Variants in PRR16 observed in about 807,000 individuals in gnomAD.
PRR16 encodes the protein protein Largen.
PRR16 carries 6 observed loss-of-function variants against 18.2 expected under a neutral mutation model. The observed-to-expected ratio is 0.33, with a 90% CI of 0.18 to 0.65. The LOEUF (loss-of-function observed/expected upper bound fraction) is 0.65. Among genes scored for constraint, PRR16 ranks in the 30% least tolerant of loss-of-function variants. The probability of loss-of-function intolerance (pLI) is 0.74; values close to 1 mark genes in which losing one functional copy is unlikely to be tolerated. For synonymous variants in PRR16, 151 were observed against 147.8 expected (o/e 1.02, Z -0.16); for missense variants, 412 against 376.6 (o/e 1.09, Z -0.78).
chr5:120,683,307 A>G (rs894481642), intron 1 of PRR16, among the ~76,000 whole-genome samples: 1 of 152,134 alleles, frequency 6.6e-6, no homozygotes, highest in Non-Finnish European at 1.5e-5. Flanking sequence ...CCTGGCCAAC[A>G]TAGTGAAATC....
chr5:120,566,272 GGA>G, intron 1 of PRR16, among the ~76,000 whole-genome samples: 1 of 152,190 alleles, frequency 6.6e-6, no homozygotes, highest in Admixed American at 6.5e-5. Flanking sequence ...TCTGAATCTT[GGA>G]CTTCCTTGCC....
chr5:120,769,807 C>T, the PRR16 span, among the ~76,000 whole-genome samples: 6,571 of 151,850 alleles, frequency 0.043, 187 homozygotes, highest in South Asian at 0.078. Context: ...AATGACTGTA[C>T]CAATTTACAT....
At chr5:120,759,157 T>C in the PRR16 span, among the ~76,000 whole-genome samples, 7 of 152,044 alleles carry the variant, frequency 4.6e-5, no homozygotes, top group African/African-American at 1.2e-4. Context: ...TTTGTATTTT[T>C]AGTAGAGACA....
At chr5:120,766,850 A>T in the PRR16 span, among the ~76,000 whole-genome samples, 1 of 152,072 alleles carries the variant, frequency 6.6e-6, no homozygotes, top group African/African-American at 2.4e-5. Context: ...GGTTAGTATA[A>T]TCCTGGTTAA....
chr5:120,529,423 T>G (rs992383258), intron 1 of PRR16, among the ~76,000 whole-genome samples: 1 of 152,156 alleles, frequency 6.6e-6, no homozygotes, highest in Non-Finnish European at 1.5e-5. Flanking sequence ...ACTAAAATAA[T>G]TTATGCTGTG....
intron 1 of PRR16, among the ~76,000 whole-genome samples, chr5:120,501,159 G>A (rs1231879189): frequency 1.3e-5 from 2 of 152,072 alleles, no homozygotes; most frequent in Admixed American, 6.5e-5. Context: ...AGGTGAAAAG[G>A]CTTAGAAAAA....
At chr5:120,788,035 T>C in the PRR16 span, among the ~76,000 whole-genome samples, 3 of 152,078 alleles carry the variant, frequency 2.0e-5, no homozygotes, top group South Asian at 6.2e-4. Context: ...TCATAACTAG[T>C]AACATTTTAC....
intron 1 of PRR16, among the ~76,000 whole-genome samples, chr5:120,581,314 T>C (rs1753265017): frequency 6.6e-6 from 1 of 152,224 alleles, no homozygotes; most frequent in African/African-American, 2.4e-5. Flanking sequence ...TGCATAGATG[T>C]GTTTAGTATT....
At chr5:120,685,819 C>T (rs1452352748) in intron 1 of PRR16, 135 bp from the exon 2 acceptor site, 1 of 843,760 alleles carries the variant, frequency 1.2e-6, no homozygotes, top group Non-Finnish European at 1.8e-6. Flanking sequence ...CTGAAAACAT[C>T]AAGCAGCAAT....
intron 1 of PRR16, among the ~76,000 whole-genome samples, chr5:120,529,457 T>G (rs1751474515): frequency 6.6e-6 from 1 of 152,156 alleles, no homozygotes; most frequent in African/African-American, 2.4e-5. Flanking sequence ...AAAGTATCTG[T>G]CTCTAAAACA....
At chr5:120,707,293 C>T in the PRR16 span, among the ~76,000 whole-genome samples, 7 of 152,210 alleles carry the variant, frequency 4.6e-5, no homozygotes, top group South Asian at 2.1e-4. Flanking sequence ...GGAGTAGAGA[C>T]GTGACCATAA....
At chr5:120,604,422 T>C (rs1754085813) in intron 1 of PRR16, among the ~76,000 whole-genome samples, 1 of 152,178 alleles carries the variant, frequency 6.6e-6, no homozygotes, top group African/African-American at 2.4e-5. Flanking sequence ...TCTATCCCTT[T>C]ATTTTCAGCC....
chr5:120,654,105 G>A (rs2150133688), intron 1 of PRR16, among the ~76,000 whole-genome samples: 1 of 152,174 alleles, frequency 6.6e-6, no homozygotes, highest in South Asian at 2.1e-4. Flanking sequence ...TTTAAGTGAT[G>A]TGAACAACTT....
the PRR16 span, among the ~76,000 whole-genome samples, chr5:120,721,547 T>G: frequency 6.6e-6 from 1 of 151,958 alleles, no homozygotes; most frequent in Non-Finnish European, 1.5e-5. Context: ...AAAGCAAATG[T>G]GGAATCCCTA....
intron 1 of PRR16, among the ~76,000 whole-genome samples, chr5:120,473,297 A>C (rs906502341): frequency 2.6e-5 from 4 of 152,104 alleles, no homozygotes; most frequent in African/African-American, 9.7e-5. Flanking sequence ...TTTTTGATAA[A>C]TATTTGGGGT....
the PRR16 span, among the ~76,000 whole-genome samples, chr5:120,728,426 T>G: frequency 6.6e-6 from 1 of 151,910 alleles, no homozygotes; most frequent in Admixed American, 6.6e-5. Flanking sequence ...AAGGAGAGAA[T>G]TCTTAAAGTT....
intron 1 of PRR16, among the ~76,000 whole-genome samples, chr5:120,643,392 A>G (rs1402870594): frequency 2.6e-5 from 4 of 152,154 alleles, no homozygotes; most frequent in Non-Finnish European, 5.9e-5. Flanking sequence ...ATTACTACAT[A>G]TAACTGTGAA....
the PRR16 span, among the ~76,000 whole-genome samples, chr5:120,758,810 TGAAAACAA>T: frequency 6.6e-6 from 1 of 152,110 alleles, no homozygotes; most frequent in African/African-American, 2.4e-5. Flanking sequence ...TATAGTACTA[TGAAAACAA>T]ACTAATACAT....
At chr5:120,466,857 T>C (rs1223808809) in intron 1 of PRR16, among the ~76,000 whole-genome samples, 1 of 152,182 alleles carries the variant, frequency 6.6e-6, no homozygotes, top group African/African-American at 2.4e-5. Flanking sequence ...ACCATGAAAC[T>C]GAAATTTATG....
Sources: allele counts gnomAD v4.1 joint callset (sites outside exome capture counted in the v4.1 genomes callset), GRCh38; gene constraint gnomAD v4.1.1; transcripts MANE v1.5; gene names NCBI Gene and HGNC (gene_info 2026-07-23, HGNC 2026-07-21).